The following CDH2 variants were observed in gnomAD, a reference collection of about 807,000 sequenced individuals.
CDH2 encodes cadherin 2.
CDH2 carries 17 observed loss-of-function variants against 92.0 expected under a neutral mutation model. The ratio of observed to expected loss-of-function variants is 0.18; its 90% CI spans 0.13 to 0.28. The LOEUF (loss-of-function observed/expected upper bound fraction) is 0.28. Ranked by LOEUF, CDH2 falls within the 10% of genes least tolerant of loss-of-function variation. CDH2 has a pLI of 1.00. For synonymous variants in CDH2, 419 were observed against 415.9 expected (o/e 1.01, Z -0.09); for missense variants, 862 against 1,133.1 (o/e 0.76, Z 3.44).
At chr18:27,980,069 A>G (rs1405682790) in intron 14 of CDH2, among the ~76,000 whole-genome samples, 1 of 152,230 alleles carries the variant, frequency 6.6e-6, no homozygotes, top group African/African-American at 2.4e-5. Context: ...AGCCCTTTCT[A>G]GGAGAAGATC....
intron 13 of CDH2, among the ~76,000 whole-genome samples, chr18:27,983,516 C>G (rs1443331860): frequency 6.6e-6 from 1 of 152,152 alleles, no homozygotes; most frequent in Non-Finnish European, 1.5e-5. Flanking sequence ...CTCCGAAATT[C>G]ACAGAAGAAA....
chr18:28,114,467 T>G (rs2015462978), intron 2 of CDH2, among the ~76,000 whole-genome samples: 1 of 152,072 alleles, frequency 6.6e-6, no homozygotes, highest in Non-Finnish European at 1.5e-5. Context: ...AACAGAAACA[T>G]ATATCCAATC....
chr18:28,171,450 T>G (rs1181375945), intron 1 of CDH2, among the ~76,000 whole-genome samples: 1 of 152,088 alleles, frequency 6.6e-6, no homozygotes, highest in Non-Finnish European at 1.5e-5. Context: ...ATAATTTTTA[T>G]TCTCAGTAAT....
chr18:28,158,991 T>C (rs927898430), intron 1 of CDH2, among the ~76,000 whole-genome samples: 8 of 152,234 alleles, frequency 5.3e-5, no homozygotes, highest in Non-Finnish European at 1.2e-4. Flanking sequence ...TATATAATTT[T>C]TTCAGTTTAA....
chr18:27,975,753 G>T (rs2011805885), intron 14 of CDH2, among the ~76,000 whole-genome samples: 1 of 152,196 alleles, frequency 6.6e-6, no homozygotes, highest in African/African-American at 2.4e-5. Context: ...CACTTGGTGG[G>T]TCTTGAATTC....
At chr18:28,051,486 A>G (rs2014190071) in intron 2 of CDH2, among the ~76,000 whole-genome samples, 1 of 152,204 alleles carries the variant, frequency 6.6e-6, no homozygotes, top group Non-Finnish European at 1.5e-5. Flanking sequence ...GTATAAGGTA[A>G]GAGAAAGTGA....
chr18:28,136,163 T>G (rs772576311), intron 2 of CDH2, among the ~76,000 whole-genome samples: 11 of 152,176 alleles, frequency 7.2e-5, no homozygotes, highest in Non-Finnish European at 1.0e-4. Flanking sequence ...TTATAGGGTT[T>G]CAAAATATAA....
intron 2 of CDH2, among the ~76,000 whole-genome samples, chr18:28,113,280 A>C (rs2015442192): frequency 6.6e-6 from 1 of 152,148 alleles, no homozygotes; most frequent in South Asian, 2.1e-4. Context: ...TCAATATATA[A>C]TCAATATTTT....
At chr18:28,073,978 T>C (rs2014669780) in intron 2 of CDH2, among the ~76,000 whole-genome samples, 1 of 152,182 alleles carries the variant, frequency 6.6e-6, no homozygotes, top group South Asian at 2.1e-4. Flanking sequence ...TTAATATCAT[T>C]AGCACGTCAG....
intron 5 of CDH2, among the ~76,000 whole-genome samples, chr18:28,007,193 T>C (rs184525765): frequency 1.1e-3 from 160 of 142,086 alleles, no homozygotes; most frequent in African/African-American, 2.7e-3. Context: ...TATATATATA[T>C]ACGAGTATAT....
intron 11 of CDH2, 76 bp from the exon 12 acceptor site, chr18:27,985,837 A>G (rs2012215232): frequency 1.2e-6 from 1 of 868,492 alleles, no homozygotes; most frequent in African/African-American, 1.7e-5. Context: ...AAATTCTCAA[A>G]GCTTCTAACC....
rs1181822935 is a variant in CDH2 at position 28,126,680 on chromosome 18, A to C, written c.172+20993T>G. Among the ~76,000 whole-genome samples, 3 of 152,182 alleles carry C rather than the reference A, an allele frequency of 2.0e-5. No individual in the cohort carries two copies. The South Asian group carries it at 6.2e-4, about 32-fold the overall frequency. ...AATTGCTCCAATTTTCTATTAAATA[A>C]AGAGAGTGAGTGCCTGCTATCCATT... On this transcript the variant is annotated intron_variant, in intron 2 of 15. Coordinates refer to ENST00000269141, the MANE Select transcript of CDH2 (RefSeq NM_001792.5).
chr18:28,120,208 C>T (rs530388573), intron 2 of CDH2, among the ~76,000 whole-genome samples: 1 of 152,170 alleles, frequency 6.6e-6, no homozygotes, highest in Non-Finnish European at 1.5e-5. Flanking sequence ...CACATACACA[C>T]ATCATGATTG....
At position 28,013,678 on chromosome 18, in the gene CDH2, T is replaced by C; in HGVS notation, c.399+5A>G. ...CAGCCCTAAAGCCATATTCGGATAC[T>C]ATACCTTCACTGACTCCTCAGTTAA... On this transcript the variant is annotated splice_donor_5th_base_variant and intron_variant, in intron 3 of 15. Transcript: ENST00000269141. 1.2e-6 allele frequency: 2 copies of C among 1,603,690 alleles called. No homozygotes were observed. Among genetic ancestry groups the C allele is most frequent in the Non-Finnish European group, 1.7e-6 (2 of 1,170,444 alleles).
In CDH2 at chr18:28,007,497, T is replaced by TGG. The variant is rs1460292331; in HGVS notation, c.703-1505_703-1504insCC. On this transcript the variant is annotated intron_variant, in intron 5 of 15. Coordinates refer to ENST00000269141, the MANE Select transcript of CDH2 (RefSeq NM_001792.5). Reference sequence around the variant, plus strand: ...TAAAAAAAGCTTCAACATATCCTTTTTTAAATTCAGAGGTTATTTAAACAC... The same window carrying TGG: ...TAAAAAAAGCTTCAACATATCCTTTTGGTTAAATTCAGAGGTTATTTAAACAC... Among the ~76,000 whole-genome samples, 79 of 152,188 alleles carry TGG rather than the reference T, an allele frequency of 5.2e-4. 1 individual carries two copies. The highest frequency in any genetic ancestry group is 1.9e-3 in the African/African-American group (78 of 41,548).
chr18:28,019,924 A>T (rs2013361790), intron 2 of CDH2, among the ~76,000 whole-genome samples: 1 of 152,126 alleles, frequency 6.6e-6, no homozygotes. Flanking sequence ...CCTTGATGAA[A>T]TATTAGTCCT....
intron 2 of CDH2, among the ~76,000 whole-genome samples, chr18:28,130,584 AG>A (rs2015750870): frequency 1.3e-5 from 2 of 152,244 alleles, no homozygotes; most frequent in African/African-American, 4.8e-5. Context: ...GAGATGCAGA[AG>A]ACAGAATTCA....
intron 7 of CDH2, among the ~76,000 whole-genome samples, chr18:28,001,375 A>C (rs1032814299): frequency 5.3e-5 from 8 of 152,336 alleles, no homozygotes; most frequent in Admixed American, 5.2e-4. Flanking sequence ...AACAGGATGA[A>C]GTCTCATTTC....
intron 7 of CDH2, among the ~76,000 whole-genome samples, chr18:27,997,159 G>A (rs532094209): frequency 2.0e-5 from 3 of 152,306 alleles, no homozygotes; most frequent in African/African-American, 4.8e-5. Context: ...GGCTGTGTCC[G>A]CTTGCTGTCC....
Sources: gnomAD v4.1 joint callset for allele counts (sites outside exome capture counted in the v4.1 genomes callset) on GRCh38, gnomAD v4.1.1 for gene constraint, MANE v1.5 for transcripts, NCBI Gene and HGNC (gene_info 2026-07-23, HGNC 2026-07-21) for gene names.